Variants in RPTOR observed in about 807,000 individuals in gnomAD.
RPTOR encodes regulatory associated protein of MTOR complex 1, also known as regulatory-associated protein of mTOR.
RPTOR carries 21 observed loss-of-function variants against 169.9 expected under a neutral mutation model. That is an observed-to-expected ratio of 0.12 (90% CI 0.09 to 0.18). The LOEUF is 0.18. Among genes scored for constraint, RPTOR ranks in the 10% least tolerant of loss-of-function variants. RPTOR has a pLI of 1.00. For missense variants in RPTOR, 1,133 were observed against 1,855.9 expected, an observed-to-expected ratio of 0.61 and a Z score of 7.16; for synonymous variants, 732 against 753.2, an observed-to-expected ratio of 0.97 and a Z score of 0.46.
intron 5 of RPTOR, among the ~76,000 whole-genome samples, chr17:80,747,020 C>A (rs1275045940): frequency 6.6e-6 from 1 of 152,078 alleles, no homozygotes; most frequent in Admixed American, 6.5e-5. Context: ...GAATTCGAGA[C>A]CAGCCTGGCC....
At chr17:80,740,923 T>A (rs2066476661) in intron 5 of RPTOR, among the ~76,000 whole-genome samples, 1 of 152,158 alleles carries the variant, frequency 6.6e-6, no homozygotes, top group Non-Finnish European at 1.5e-5. Context: ...GCCAGTGCAA[T>A]AAGACAAGAA....
At chr17:80,776,972 C>G (rs1487853563) in intron 6 of RPTOR, among the ~76,000 whole-genome samples, 1 of 152,028 alleles carries the variant, frequency 6.6e-6, no homozygotes, top group Non-Finnish European at 1.5e-5. Context: ...GGCGTGGTGG[C>G]TCACGCCTGT....
intron 10 of RPTOR, among the ~76,000 whole-genome samples, chr17:80,839,439 T>A (rs1326296080): frequency 1.3e-5 from 2 of 152,226 alleles, no homozygotes; most frequent in Admixed American, 6.5e-5. Context: ...CATGGGGTAT[T>A]TTCAAGGGCA....
intron 13 of RPTOR, among the ~76,000 whole-genome samples, chr17:80,879,519 C>T (rs559756461): frequency 3.9e-5 from 6 of 152,002 alleles, no homozygotes; most frequent in African/African-American, 1.4e-4. Flanking sequence ...CCCTTCTTCC[C>T]TCACTGCCCT....
intron 6 of RPTOR, among the ~76,000 whole-genome samples, chr17:80,788,206 C>T (rs897805077): frequency 6.6e-6 from 1 of 152,188 alleles, no homozygotes; most frequent in Non-Finnish European, 1.5e-5. Context: ...GGGGTGGTGG[C>T]TTACACCTGT....
At position 80,730,477 on chromosome 17, in the gene RPTOR, G is replaced by A; in HGVS notation, c.508-83G>A. On this transcript the variant is annotated intron_variant, in intron 4 of 33. Transcript: ENST00000306801. This position sits in a 1 kb window ranked among gnomAD's most constrained non-coding sequence, Gnocchi z 4.2. ...TCCAGCCACCAGGCTCAATGTGTGT[G>A]CCTTTTGTAACGGTGCAGTACTCAC... The A allele has an allele frequency of 6.7e-7, 1 of 1,482,172 alleles. No homozygotes were observed. The highest frequency in any genetic ancestry group is 9.3e-7 in the Non-Finnish European group (1 of 1,070,642). The allele number at this position is 1,482,172 out of a possible 1,614,324, so 91.8% of individuals were successfully genotyped here.
chr17:80,561,251 GTATATATATATGTATATATA>G (rs2084486392), intron 1 of RPTOR, among the ~76,000 whole-genome samples: 1 of 4,202 alleles, frequency 2.4e-4, no homozygotes, highest in East Asian at 0.028. Context: ...ATATATATAT[GTATATATATATGTATATATA>G]TATATATATA....
chr17:80,857,992 C>A, intron 13 of RPTOR, 92 bp downstream of exon 13: 2 of 974,618 alleles, frequency 2.1e-6, no homozygotes, highest in Non-Finnish European at 3.2e-6. Context: ...GCCCTTTCTC[C>A]AGCCTCGCTC....
At chr17:80,873,002 G>C (rs1480071842) in intron 13 of RPTOR, among the ~76,000 whole-genome samples, 1 of 152,238 alleles carries the variant, frequency 6.6e-6, no homozygotes, top group African/African-American at 2.4e-5. Context: ...GAGGCCCCGG[G>C]GGGGACCCCC....
At chr17:80,855,749 G>A (rs2067845181) in intron 12 of RPTOR, among the ~76,000 whole-genome samples, 1 of 152,190 alleles carries the variant, frequency 6.6e-6, no homozygotes, top group Non-Finnish European at 1.5e-5. Context: ...CTGCAGTGCT[G>A]CCTGGCGTTT....
At chr17:80,594,503 C>T (rs1406555241) in intron 1 of RPTOR, among the ~76,000 whole-genome samples, 1 of 152,196 alleles carries the variant, frequency 6.6e-6, no homozygotes, top group Non-Finnish European at 1.5e-5. Context: ...TTATGCTTTC[C>T]ACGAAGTCCT....
At chr17:80,813,436 G>T (rs1187911496) in intron 7 of RPTOR, among the ~76,000 whole-genome samples, 3 of 152,212 alleles carry the variant, frequency 2.0e-5, no homozygotes, top group Non-Finnish European at 4.4e-5. Flanking sequence ...CGACATGTGT[G>T]TGTGCTTTAT....
At chr17:80,640,797 C>T (rs529445982) in intron 2 of RPTOR, among the ~76,000 whole-genome samples, 1 of 74,924 alleles carries the variant, frequency 1.3e-5, no homozygotes, top group African/African-American at 5.3e-5. Context: ...TGAATGGGAA[C>T]TCCCTCCCTT....
chr17:80,830,031 T>C (rs1292665297), intron 9 of RPTOR, among the ~76,000 whole-genome samples: 1 of 152,146 alleles, frequency 6.6e-6, no homozygotes, highest in Admixed American at 6.5e-5. Flanking sequence ...TGATAGGGAA[T>C]TGAATGTAAA....
At chr17:80,768,455 C>T (rs2066809849) in intron 6 of RPTOR, among the ~76,000 whole-genome samples, 1 of 152,206 alleles carries the variant, frequency 6.6e-6, no homozygotes, top group African/African-American at 2.4e-5. Context: ...AGAATTAAGA[C>T]TGTGCAGTTC....
intron 5 of RPTOR, among the ~76,000 whole-genome samples, chr17:80,735,955 T>C (rs2066430155): frequency 6.6e-6 from 1 of 152,168 alleles, no homozygotes; most frequent in South Asian, 2.1e-4. Flanking sequence ...GCAGATGGCT[T>C]GAGTTCAGGA....
At chr17:80,753,564 C>T (rs915250273) in intron 5 of RPTOR, among the ~76,000 whole-genome samples, 7 of 135,574 alleles carry the variant, frequency 5.2e-5, no homozygotes, top group Non-Finnish European at 9.1e-5. Flanking sequence ...ACCCGGGAGG[C>T]GGAGCTTGCA....
At chr17:80,954,178 A>G (rs989538945) in intron 28 of RPTOR, among the ~76,000 whole-genome samples, 1 of 152,100 alleles carries the variant, frequency 6.6e-6, no homozygotes, top group African/African-American at 2.4e-5. Flanking sequence ...GCTGGCGTAC[A>G]ATGGCGGATC....
intron 24 of RPTOR, among the ~76,000 whole-genome samples, chr17:80,939,762 C>T (rs1285381638): frequency 6.6e-6 from 1 of 152,238 alleles, no homozygotes; most frequent in Non-Finnish European, 1.5e-5. Context: ...GGCAGTGTCT[C>T]CTCAAGCGCA....
Sources: gnomAD v4.1 joint callset for allele counts (sites outside exome capture counted in the v4.1 genomes callset) on GRCh38, gnomAD v4.1.1 for gene constraint, Gnocchi (gnomAD v3.1) non-coding constraint, MANE v1.5 for transcripts, NCBI Gene and HGNC (gene_info 2026-07-23, HGNC 2026-07-21) for gene names.